The following TAOK1 variants were observed in gnomAD, a reference collection of about 807,000 sequenced individuals.
TAOK1 encodes the protein serine/threonine-protein kinase TAO1.
TAOK1 carries 21 observed loss-of-function variants against 138.3 expected under a neutral mutation model. The observed-to-expected ratio is 0.15, with a 90% CI of 0.11 to 0.22. The LOEUF is 0.22. Among genes scored for constraint, TAOK1 ranks in the 10% least tolerant of loss-of-function variants. The pLI, the probability that TAOK1 is intolerant of heterozygous loss-of-function variation, is 1.00. For missense variants in TAOK1, 651 were observed against 1,227.7 expected, an observed-to-expected ratio of 0.53 and a Z score of 7.02; for synonymous variants, 361 against 398.4, an observed-to-expected ratio of 0.91 and a Z score of 1.12.
chr17:29,467,307 T>A, intron 3 of TAOK1, 91 bp downstream of exon 3: 1 of 680,740 alleles, frequency 1.5e-6, no homozygotes, highest in Non-Finnish European at 2.2e-6. Flanking sequence ...TGAGTCTCCC[T>A]CTGTAGCCCA....
chr17:29,476,180 G>A (rs189599906), intron 4 of TAOK1, among the ~76,000 whole-genome samples: 3 of 152,308 alleles, frequency 2.0e-5, no homozygotes, highest in Non-Finnish European at 4.4e-5. Context: ...AGCTGATCAC[G>A]ATTCCTTGGT....
intron 1 of TAOK1, among the ~76,000 whole-genome samples, chr17:29,425,874 GT>G (rs1369305653): frequency 6.6e-6 from 1 of 151,644 alleles, no homozygotes; most frequent in African/African-American, 2.4e-5. Flanking sequence ...GGTTTTTTTT[GT>G]TTGTTTTGTT....
At chr17:29,531,071 C>G (rs1056828260) in intron 18 of TAOK1, among the ~76,000 whole-genome samples, 4 of 145,132 alleles carry the variant, frequency 2.8e-5, no homozygotes, top group African/African-American at 1.0e-4. Context: ...ACGCCATTCT[C>G]CTGCCTCAGC....
At chr17:29,526,819 T>TTAAAAAAAAAAAAAAAAA (rs770263137) in intron 17 of TAOK1, among the ~76,000 whole-genome samples, 1 of 50,946 alleles carries the variant, frequency 2.0e-5, no homozygotes, top group Non-Finnish European at 3.5e-5. Flanking sequence ...TCTCATCTCT[T>TTAAAAAAAAAAAAAAAAA]AAAAAAAAAA....
intron 17 of TAOK1, among the ~76,000 whole-genome samples, chr17:29,526,133 G>C (rs1226686192): frequency 1.3e-5 from 2 of 152,068 alleles, no homozygotes; most frequent in African/African-American, 4.8e-5. Context: ...AAATTAGCCG[G>C]GTGTGGTGGC....
At chr17:29,490,002 C>T (rs773362706) in intron 9 of TAOK1, among the ~76,000 whole-genome samples, 16 of 151,916 alleles carry the variant, frequency 1.1e-4, no homozygotes, top group Non-Finnish European at 2.1e-4. Flanking sequence ...ATTCATTTTA[C>T]AAGAATTTGT....
At chr17:29,448,144 T>C (rs1334113543) in intron 1 of TAOK1, among the ~76,000 whole-genome samples, 1 of 151,744 alleles carries the variant, frequency 6.6e-6, no homozygotes, top group African/African-American at 2.4e-5. Context: ...TTCACACTGG[T>C]TACAAAGAAA....
chr17:29,391,564 T>C (rs191969274), intron 1 of TAOK1, among the ~76,000 whole-genome samples: 1 of 152,282 alleles, frequency 6.6e-6, no homozygotes, highest in East Asian at 1.9e-4. Flanking sequence ...AGTTTCTTCA[T>C]ACACAGACCC....
chr17:29,485,680 A>G (rs954189739), intron 8 of TAOK1, among the ~76,000 whole-genome samples: 1 of 152,220 alleles, frequency 6.6e-6, no homozygotes, highest in African/African-American at 2.4e-5. Flanking sequence ...AGGAAACAAA[A>G]GTACACATAG....
chr17:29,472,243 A>C (rs530365669), intron 3 of TAOK1, among the ~76,000 whole-genome samples: 1 of 145,798 alleles, frequency 6.9e-6, no homozygotes, highest in South Asian at 2.2e-4. Flanking sequence ...TATGGCAGCT[A>C]TAGCCGTTGT....
intron 1 of TAOK1, among the ~76,000 whole-genome samples, chr17:29,399,655 A>G (rs1477494292): frequency 6.6e-6 from 1 of 152,152 alleles, no homozygotes; most frequent in Non-Finnish European, 1.5e-5. Flanking sequence ...TACATTTTTG[A>G]AAGAAATAGT....
chr17:29,550,815 AAAAG>A lies in TAOK1; in HGVS notation c.*7801_*7804del, dbSNP rs1436518241. 3 of 152,510 alleles carry A rather than the reference AAAAG, an allele frequency of 2.0e-5. No homozygotes were observed. The highest frequency in any genetic ancestry group is 2.9e-5 in the Non-Finnish European group (2 of 68,024). The allele number at this position is 152,510 out of a possible 1,614,324, so 9.4% of individuals were successfully genotyped here. A position where few individuals can be genotyped will look rare whatever the true frequency, so the allele number is the denominator to read the frequency against. ...TTTTTTGCACATGTAGAAATTTTTTAAAAGAAAGAAATTAGTACATCATTTTCTC... is the reference window on the plus strand; with the variant it reads ...TTTTTTGCACATGTAGAAATTTTTTAAAAGAAATTAGTACATCATTTTCTC... On this transcript the variant is annotated 3_prime_UTR_variant, in exon 20 of 20. Coordinates refer to ENST00000261716, the MANE Select transcript of TAOK1 (RefSeq NM_020791.4).
chr17:29,466,162 G>C (rs1401088797), intron 2 of TAOK1, among the ~76,000 whole-genome samples: 2 of 151,976 alleles, frequency 1.3e-5, no homozygotes, highest in Non-Finnish European at 2.9e-5. Flanking sequence ...TGTGTGTTTT[G>C]TTTTTTGAGA....
At chr17:29,534,666 A>C (rs1020827579) in intron 19 of TAOK1, among the ~76,000 whole-genome samples, 1 of 152,186 alleles carries the variant, frequency 6.6e-6, no homozygotes, top group African/African-American at 2.4e-5. Context: ...GTGAAGAAAG[A>C]GAGCTGCATT....
chr17:29,422,611 A>G (rs1905488902), intron 1 of TAOK1, among the ~76,000 whole-genome samples: 1 of 152,200 alleles, frequency 6.6e-6, no homozygotes, highest in Admixed American at 6.5e-5. Flanking sequence ...ATTACTTATA[A>G]TAATCCCATA....
At chr17:29,458,810 T>C (rs2030459081) in intron 2 of TAOK1, among the ~76,000 whole-genome samples, 1 of 152,192 alleles carries the variant, frequency 6.6e-6, no homozygotes. Context: ...TTCTCCTGCC[T>C]CAGCCTGCCG....
At chr17:29,534,096 T>C (rs1430651592) in intron 18 of TAOK1, 22 bp from the exon 19 acceptor site, 2 of 775,854 alleles carry the variant, frequency 2.6e-6, no homozygotes, top group Non-Finnish European at 1.7e-6. Context: ...CTTTTTTTTT[T>C]CTCTCTCTCT....
intron 3 of TAOK1, among the ~76,000 whole-genome samples, chr17:29,472,057 A>G (rs1429254443): frequency 5.3e-5 from 8 of 152,072 alleles, no homozygotes; most frequent in Non-Finnish European, 1.0e-4. Flanking sequence ...CTCCACTGAA[A>G]TATTGAACCC....
chr17:29,433,968 C>T (rs1033255383), intron 1 of TAOK1, among the ~76,000 whole-genome samples: 1 of 152,142 alleles, frequency 6.6e-6, no homozygotes, highest in African/African-American at 2.4e-5. Context: ...GGGCCACCAT[C>T]AGAGGCTCCG....
Sources: gnomAD v4.1 joint callset for allele counts (sites outside exome capture counted in the v4.1 genomes callset) on GRCh38, gnomAD v4.1.1 for gene constraint, MANE v1.5 for transcripts, NCBI Gene and HGNC (gene_info 2026-07-23, HGNC 2026-07-21) for gene names.